The following ME1 variants were observed in gnomAD, a reference collection of about 807,000 sequenced individuals.
ME1 encodes the protein malic enzyme 1.
ME1 carries 74 observed loss-of-function variants against 66.4 expected under a neutral mutation model. The ratio of observed to expected loss-of-function variants is 1.11; its 90% confidence interval spans 0.92 to 1.35. ME1 has a LOEUF of 1.35. Ranked by LOEUF, ME1 falls within the 40% of genes most tolerant of loss-of-function variation. ME1 has a pLI of 0.00. For synonymous variants in ME1, 251 were observed against 235.6 expected (o/e 1.07, Z -0.60); for missense variants, 750 against 694.1 (o/e 1.08, Z -0.90).
chr6:83,234,143 A>C (rs566239144), intron 9 of ME1, among the ~76,000 whole-genome samples: 106 of 152,306 alleles, frequency 7.0e-4, no homozygotes, highest in Middle Eastern at 3.4e-3. Flanking sequence ...TGTGTGTTAA[A>C]ATTATTCAAG....
chr6:83,380,204 T>C (rs930931661), intron 3 of ME1, among the ~76,000 whole-genome samples: 1 of 152,090 alleles, frequency 6.6e-6, no homozygotes, highest in Admixed American at 6.6e-5. Flanking sequence ...TGAAATAGAT[T>C]GTGAAAATGC....
At chr6:83,268,640 A>G (rs1767030380) in intron 6 of ME1, among the ~76,000 whole-genome samples, 2 of 151,916 alleles carry the variant, frequency 1.3e-5, no homozygotes, top group South Asian at 4.1e-4. Context: ...ATCTCAGCTC[A>G]CTGCAGTCTC....
intron 6 of ME1, among the ~76,000 whole-genome samples, chr6:83,259,772 T>C (rs1766849811): frequency 6.6e-6 from 1 of 152,170 alleles, no homozygotes; most frequent in Non-Finnish European, 1.5e-5. Flanking sequence ...TTTGTAACAT[T>C]TAGACAGTCC....
chr6:83,349,704 T>C (rs1318044734), intron 4 of ME1, among the ~76,000 whole-genome samples: 3 of 152,234 alleles, frequency 2.0e-5, no homozygotes, highest in Admixed American at 6.5e-5. Flanking sequence ...ATATTACTTA[T>C]ATAATTTCCT....
intron 3 of ME1, among the ~76,000 whole-genome samples, chr6:83,361,846 T>C (rs1037239639): frequency 1.3e-5 from 2 of 152,138 alleles, no homozygotes; most frequent in Admixed American, 6.5e-5. Context: ...AAGTGGTATA[T>C]AGGTGACTGG....
At chr6:83,430,701 G>C (rs532012719) in intron 1 of ME1, among the ~76,000 whole-genome samples, 176 bp downstream of exon 1, 1 of 152,360 alleles carries the variant, frequency 6.6e-6, no homozygotes, top group East Asian at 1.9e-4. Context: ...ATACGGACCC[G>C]ATTAGGCGTC....
rs1448193616 is a variant in ME1 at position 83,213,894 on chromosome 6, TCAAAA to T, written c.1549-1805_1549-1801del. On this transcript the variant is annotated intron_variant, in intron 13 of 13. Coordinates refer to ENST00000369705, the MANE Select transcript of ME1 (RefSeq NM_002395.6). ...GTTAGAAAATAAACAAACGAAAGAC[TCAAAA>T]CAAACACAGGAAAAAAAATAATACT... 5.9e-5 allele frequency among the ~76,000 whole-genome samples: 9 copies of T among 152,090 alleles called. No homozygotes were observed. The East Asian group carries it at 1.7e-3, about 29-fold the overall frequency.
intron 6 of ME1, among the ~76,000 whole-genome samples, chr6:83,278,666 C>A (rs1767235561): frequency 6.6e-6 from 1 of 151,744 alleles, no homozygotes; most frequent in Admixed American, 6.6e-5. Flanking sequence ...CCTACATTGC[C>A]CAGGCTGGTC....
intron 3 of ME1, among the ~76,000 whole-genome samples, chr6:83,394,969 GTAA>G (rs1769701539): frequency 6.6e-6 from 1 of 152,052 alleles, no homozygotes; most frequent in African/African-American, 2.4e-5. Context: ...AATTTAGAAA[GTAA>G]TATTCTCATT....
At chr6:83,321,828 G>A (rs1583379675) in intron 5 of ME1, among the ~76,000 whole-genome samples, 1 of 152,160 alleles carries the variant, frequency 6.6e-6, no homozygotes, top group African/African-American at 2.4e-5. Context: ...TCCTCAAGTG[G>A]GTCCCTGATT....
rs540821659 is a variant in ME1 at position 83,253,304 on chromosome 6, GA to G, written c.814+324del. ...AATTGTGGCTAAGATAGGCTGAAGA[GA>G]GAAGTATGTATACTTTTACTTTTAA... On this transcript the variant is annotated intron_variant, in intron 7 of 13. Transcript: ENST00000369705. 1.3e-3 allele frequency among the ~76,000 whole-genome samples: 197 copies of G among 152,282 alleles called. 1 individual carries two copies. The highest frequency in any genetic ancestry group is 4.6e-3 in the African/African-American group (190 of 41,576).
intron 1 of ME1, among the ~76,000 whole-genome samples, chr6:83,426,038 CTCTCTTGCTCCT>C (rs1770365684): frequency 6.6e-6 from 1 of 152,120 alleles, no homozygotes; most frequent in Non-Finnish European, 1.5e-5. Flanking sequence ...AAGTTCAGCC[CTCTCTTGCTCCT>C]TCTCACCCTC....
chr6:83,301,264 C>A (rs1052312719), intron 6 of ME1, among the ~76,000 whole-genome samples: 1 of 137,370 alleles, frequency 7.3e-6, no homozygotes, highest in Admixed American at 7.5e-5. Flanking sequence ...TTTCTTTCCC[C>A]TTCCTTCCTT....
intron 10 of ME1, among the ~76,000 whole-genome samples, chr6:83,228,130 T>A (rs559600879): frequency 7.5e-4 from 114 of 152,310 alleles, no homozygotes; most frequent in Non-Finnish European, 1.4e-3. Flanking sequence ...AAGGTAAAAA[T>A]CAAAATTATA....
At chr6:83,228,433 T>C (rs566370317) in intron 10 of ME1, among the ~76,000 whole-genome samples, 3 of 152,286 alleles carry the variant, frequency 2.0e-5, no homozygotes, top group Middle Eastern at 3.4e-3. Flanking sequence ...TAGATGTCAG[T>C]AGCCCCTCCC....
chr6:83,428,315 G>A (rs1770411491), intron 1 of ME1, among the ~76,000 whole-genome samples: 1 of 152,096 alleles, frequency 6.6e-6, no homozygotes, highest in South Asian at 2.1e-4. Context: ...AACATAATAG[G>A]AAATAATAAC....
At chr6:83,386,972 A>G (rs1394035956) in intron 3 of ME1, among the ~76,000 whole-genome samples, 1 of 152,098 alleles carries the variant, frequency 6.6e-6, no homozygotes, top group Non-Finnish European at 1.5e-5. Flanking sequence ...TGTCACTGAT[A>G]AAGTACCCAG....
intron 6 of ME1, among the ~76,000 whole-genome samples, chr6:83,310,489 G>A (rs934155695): frequency 7.9e-5 from 12 of 152,090 alleles, no homozygotes; most frequent in African/African-American, 2.7e-4. Flanking sequence ...TGCCTCCCAG[G>A]TAACCTAATC....
intron 4 of ME1, among the ~76,000 whole-genome samples, chr6:83,349,186 A>G (rs1237996757): frequency 6.6e-6 from 1 of 151,922 alleles, no homozygotes; most frequent in Admixed American, 6.6e-5. Flanking sequence ...TTTATTACAA[A>G]CGTACATTTA....
Sources: allele counts gnomAD v4.1 joint callset (sites outside exome capture counted in the v4.1 genomes callset), GRCh38; gene constraint gnomAD v4.1.1; transcripts MANE v1.5; gene names NCBI Gene and HGNC (gene_info 2026-07-23, HGNC 2026-07-21).